Variants in SPATA7 observed in about 807,000 individuals in gnomAD.
SPATA7 encodes the protein spermatogenesis associated 7.
In SPATA7, 43 loss-of-function variants were observed where a neutral mutation model predicts 51.8. The observed-to-expected ratio is 0.83, with a 90% CI of 0.65 to 1.07. The LOEUF (loss-of-function observed/expected upper bound fraction) is 1.07. Among genes scored for constraint, SPATA7 ranks in the 50% least tolerant of loss-of-function variants. The pLI, the probability that SPATA7 is intolerant of heterozygous loss-of-function variation, is 0.00. For synonymous variants in SPATA7, 230 were observed against 252.8 expected (o/e 0.91, Z 0.86); for missense variants, 683 against 701.3 (o/e 0.97, Z 0.30).
intron 4 of SPATA7, among the ~76,000 whole-genome samples, chr14:88,405,974 A>G (rs1199589492): frequency 6.6e-6 from 1 of 152,202 alleles, no homozygotes; most frequent in Non-Finnish European, 1.5e-5. Context: ...CCTTTTTGCT[A>G]CATAAACCAA....
intron 4 of SPATA7, chr14:88,467,599 T>C (rs2077384572): frequency 6.6e-6 from 1 of 152,368 alleles, no homozygotes; most frequent in Non-Finnish European, 1.5e-5. Context: ...TAAACCATTA[T>C]TAAGTACCCA....
At position 88,427,712 on chromosome 14, in the gene SPATA7, T is replaced by C; in HGVS notation, c.912+16T>C. On this transcript the variant is annotated intron_variant, in intron 7 of 11. Coordinates refer to ENST00000393545, the MANE Select transcript of SPATA7 (RefSeq NM_018418.5). ...CATAAAGCAGGTAATAAGTATGAAA[T>C]CTTTTGGTATTGCTACATTTGAATT... 1 of 1,552,438 alleles carries C rather than the reference T, an allele frequency of 6.4e-7. No homozygotes were observed.
intron 5 of SPATA7, among the ~76,000 whole-genome samples, chr14:88,417,991 T>C (rs1566771670): frequency 6.6e-6 from 1 of 152,226 alleles, no homozygotes; most frequent in Non-Finnish European, 1.5e-5. Context: ...TTTAAGTCAT[T>C]ATAGAATGAT....
chr14:88,449,360 A>G (rs1300873637), intron 3 of SPATA7, among the ~76,000 whole-genome samples: 1 of 152,126 alleles, frequency 6.6e-6, no homozygotes, highest in African/African-American at 2.4e-5. Context: ...AGGTTATTGT[A>G]CTTCCATTTA....
At chr14:88,412,998 T>G (rs2076383545) in intron 4 of SPATA7, among the ~76,000 whole-genome samples, 1 of 152,186 alleles carries the variant, frequency 6.6e-6, no homozygotes, top group African/African-American at 2.4e-5. Flanking sequence ...TCGGGTAATG[T>G]GATGCCTCCA....
chr14:88,385,863 C>G, intron 1 of SPATA7, 26 bp downstream of exon 1: 1 of 1,591,662 alleles, frequency 6.3e-7, no homozygotes, highest in Non-Finnish European at 8.5e-7. Flanking sequence ...CAGGGGCTAC[C>G]GCCGCCTCGC....
intron 7 of SPATA7, chr14:88,428,350 G>C (rs747728926): frequency 6.6e-6 from 1 of 152,122 alleles, no homozygotes; most frequent in Non-Finnish European, 1.5e-5. Flanking sequence ...GTCAAACACA[G>C]ATCCAGAGAT....
downstream of SPATA7, among the ~76,000 whole-genome samples, chr14:88,440,028 G>C (rs1052785664): frequency 6.6e-6 from 1 of 152,056 alleles, no homozygotes; most frequent in East Asian, 1.9e-4. Flanking sequence ...CCATCTGTTA[G>C]ATCTTTACCC....
intron 4 of SPATA7, among the ~76,000 whole-genome samples, chr14:88,400,499 T>A (rs915273694): frequency 6.6e-5 from 10 of 152,114 alleles, no homozygotes; most frequent in African/African-American, 2.4e-4. Context: ...ATATCCTGAA[T>A]AGACTAATAG....
chr14:88,412,929 T>G (rs983639123), intron 4 of SPATA7, among the ~76,000 whole-genome samples: 1 of 152,212 alleles, frequency 6.6e-6, no homozygotes, highest in Non-Finnish European at 1.5e-5. Context: ...ATTTTTATAG[T>G]TTTAGGTCTT....
chr14:88,443,688 G>T (rs1157630642), intron 3 of SPATA7, among the ~76,000 whole-genome samples: 1 of 148,962 alleles, frequency 6.7e-6, no homozygotes, highest in Non-Finnish European at 1.5e-5. Context: ...CTGTGTCCAT[G>T]TGTTCTCATT....
chr14:88,456,751 G>T (rs1301650410), downstream of SPATA7, among the ~76,000 whole-genome samples: 2 of 152,012 alleles, frequency 1.3e-5, no homozygotes, highest in Admixed American at 6.6e-5. Context: ...TGTCAATTTT[G>T]GCTTTTGTTG....
intron 4 of SPATA7, among the ~76,000 whole-genome samples, chr14:88,402,090 A>G: frequency 6.6e-6 from 1 of 152,260 alleles, no homozygotes; most frequent in Non-Finnish European, 1.5e-5. Context: ...AACCTTAAAC[A>G]AAAAGGTTGA....
chr14:88,423,994 A>G (rs574796573), intron 5 of SPATA7, among the ~76,000 whole-genome samples: 14 of 152,316 alleles, frequency 9.2e-5, no homozygotes, highest in Admixed American at 6.5e-4. Flanking sequence ...ATGAGTATAT[A>G]AACTATGTTA....
chr14:88,435,238 AATT>A (rs1448173354), intron 10 of SPATA7, among the ~76,000 whole-genome samples: 1 of 152,160 alleles, frequency 6.6e-6, no homozygotes, highest in Non-Finnish European at 1.5e-5. Context: ...ATAACTTTTA[AATT>A]ATTATGTGGA....
chr14:88,437,398 A>G, intron 10 of SPATA7, 145 bp from the exon 11 acceptor site: 2 of 615,978 alleles, frequency 3.2e-6, no homozygotes, highest in Non-Finnish European at 5.7e-6. Context: ...TTAGAACAGG[A>G]AAGGATTAGT....
At position 88,411,936 on chromosome 14, in the gene SPATA7, C is replaced by T. The variant is rs1451778104; in HGVS notation, c.239-4775C>T. ...ATTTGAGAAGTCTTCAAACTTTCCT[C>T]AGTGGCTCAGTCTTCAGCTTTCCTC... On this transcript the variant is annotated intron_variant, in intron 4 of 11. Coordinates refer to ENST00000393545, the MANE Select transcript of SPATA7 (RefSeq NM_018418.5). Among the ~76,000 whole-genome samples, 3 of 152,154 alleles carry T rather than the reference C, an allele frequency of 2.0e-5. No homozygotes were observed. The East Asian group carries it at 5.8e-4, about 29-fold the overall frequency.
intron 4 of SPATA7, chr14:88,414,603 G>C: frequency 2.8e-6 from 1 of 360,002 alleles, no homozygotes; most frequent in South Asian, 2.2e-5. Flanking sequence ...TTTGGGATTA[G>C]TTCTTGTTAT....
At position 88,451,314 on chromosome 14, in the gene SPATA7, C is replaced by T. The variant is rs917451061; in HGVS notation, c.178-3746C>T. On this transcript the variant is annotated intron_variant, in intron 3 of 3. Transcript: ENST00000554802. ...CCTCCCGAGTAGCTGGGATTACAGG[C>T]GTCTGCCACCACAGCTGGTTAATTT... 9.9e-5 allele frequency among the ~76,000 whole-genome samples: 15 copies of T among 152,036 alleles called. 1 individual carries two copies. The South Asian group carries it at 2.7e-3, about 27-fold the overall frequency.
Sources: gnomAD v4.1 joint callset for allele counts (sites outside exome capture counted in the v4.1 genomes callset) on GRCh38, gnomAD v4.1.1 for gene constraint, MANE v1.5 for transcripts, NCBI Gene and HGNC (gene_info 2026-07-23, HGNC 2026-07-21) for gene names.